Variants in FBXL17 observed in about 807,000 individuals in gnomAD.
FBXL17 encodes F-box and leucine rich repeat protein 17.
In FBXL17, 22 loss-of-function variants were observed where a neutral mutation model predicts 66.2. The ratio of observed to expected loss-of-function variants is 0.33; its 90% CI spans 0.24 to 0.47. The LOEUF (loss-of-function observed/expected upper bound fraction) is 0.47, where lower values mean the gene tolerates loss of function less well. FBXL17 is among the 20% of genes least tolerant of loss of function. The pLI is 1.00. For missense variants in FBXL17, 878 were observed against 948.2 expected (o/e 0.93, Z 0.97); for synonymous variants, 474 against 400.5 (o/e 1.18, Z -2.19).
chr5:108,106,844 A>G (rs1350550807), intron 6 of FBXL17, among the ~76,000 whole-genome samples: 2 of 152,206 alleles, frequency 1.3e-5, no homozygotes, highest in Non-Finnish European at 2.9e-5. Context: ...GAATACACTA[A>G]ACTGTGAATA....
At chr5:108,369,448 C>T (rs1748887707) in intron 1 of FBXL17, among the ~76,000 whole-genome samples, 1 of 152,144 alleles carries the variant, frequency 6.6e-6, no homozygotes, top group Admixed American at 6.5e-5. Flanking sequence ...CCACTTATCA[C>T]TCATATGTGG....
intron 6 of FBXL17, among the ~76,000 whole-genome samples, chr5:108,148,479 G>A (rs946471272): frequency 1.3e-5 from 2 of 152,170 alleles, no homozygotes; most frequent in African/African-American, 2.4e-5. Flanking sequence ...GGAGCTGCCT[G>A]GTTCATGAAT....
intron 7 of FBXL17, among the ~76,000 whole-genome samples, chr5:107,956,978 G>A (rs1751687273): frequency 2.0e-5 from 3 of 152,158 alleles, no homozygotes; most frequent in Admixed American, 6.5e-5. Flanking sequence ...TGAGATGGCA[G>A]CAAGTGAATT....
intron 5 of FBXL17, among the ~76,000 whole-genome samples, chr5:108,214,267 A>G (rs557269090): frequency 6.8e-4 from 103 of 152,272 alleles, no homozygotes; most frequent in Non-Finnish European, 1.3e-3. Flanking sequence ...GTTGTGGAAT[A>G]TATCCCACGA....
chr5:108,207,352 A>C (rs1367719757), intron 5 of FBXL17, among the ~76,000 whole-genome samples: 1 of 151,990 alleles, frequency 6.6e-6, no homozygotes, highest in African/African-American at 2.4e-5. Context: ...ATTATACTTT[A>C]AGTTCTGGGG....
chr5:108,381,348 G>A lies in FBXL17; in HGVS notation c.344C>T (p.Ala115Val), dbSNP rs776434312. Reference protein sequence around the residue: ...AALAAEDCAAAARRFLLSSAA... With the variant: ...AALAAEDCAAVARRFLLSSAA... The stretch of plus-strand genomic sequence containing the variant: ...CGAGGATAGCAGGAAGCGGCGGGCA[G>A]CAGCGGCGCAGTCCTCGGCGGCCAG... Residue 115 changes from alanine to valine, a missense_variant, in exon 1 of 9, where the codon GCT becomes GTT. Ala to Val is a moderately conservative substitution (Grantham distance 64). Transcript: ENST00000542267. 2.9e-5 allele frequency: 39 copies of A among 1,366,560 alleles called. 1 individual carries two copies. The South Asian group carries it at 6.2e-4, about 22-fold the overall frequency. The allele number at this position is 1,366,560 out of a possible 1,614,324, so 84.7% of individuals were successfully genotyped here.
intron 6 of FBXL17, among the ~76,000 whole-genome samples, chr5:108,041,290 T>C (rs1487840042): frequency 6.6e-6 from 1 of 152,198 alleles, no homozygotes; most frequent in Non-Finnish European, 1.5e-5. Flanking sequence ...TTAATCAACC[T>C]TCACAATTGG....
At position 108,236,445 on chromosome 5, in the gene FBXL17, G is replaced by T. The variant is rs1164279108; in HGVS notation, c.1507-12217C>A. 1.3e-5 allele frequency among the ~76,000 whole-genome samples: 2 copies of T among 151,634 alleles called. 1 individual carries two copies. The highest frequency in any genetic ancestry group is 1.3e-4 in the Admixed American group (2 of 15,218). ...GGAGAATCACTTGAGCCTGGGAAGTGGAGGTTGCAGTGAGCAGAGATCACG... is the reference window on the plus strand; with the variant it reads ...GGAGAATCACTTGAGCCTGGGAAGTTGAGGTTGCAGTGAGCAGAGATCACG... On this transcript the variant is annotated intron_variant, in intron 4 of 8. Transcript: ENST00000542267.
intron 7 of FBXL17, among the ~76,000 whole-genome samples, chr5:108,020,400 T>C (rs972268274): frequency 6.6e-6 from 1 of 151,946 alleles, no homozygotes; most frequent in African/African-American, 2.4e-5. Flanking sequence ...TAAAAGAATA[T>C]TGAAATGTAA....
chr5:108,131,054 T>C (rs1285207640), intron 6 of FBXL17, among the ~76,000 whole-genome samples: 1 of 152,136 alleles, frequency 6.6e-6, no homozygotes, highest in Admixed American at 6.5e-5. Context: ...TCAACTCTGC[T>C]ACTGAAATAA....
intron 4 of FBXL17, among the ~76,000 whole-genome samples, chr5:108,312,134 A>G (rs1002999914): frequency 6.6e-6 from 1 of 152,138 alleles, no homozygotes. Flanking sequence ...CTCATAATAC[A>G]TACCACCAGC....
intron 5 of FBXL17, among the ~76,000 whole-genome samples, chr5:108,208,171 T>C (rs571084323): frequency 1.2e-4 from 19 of 152,354 alleles, no homozygotes; most frequent in African/African-American, 4.6e-4. Flanking sequence ...GTTGTTCTTT[T>C]CTTGTAAATT....
At chr5:108,131,532 C>G (rs1305489608) in intron 6 of FBXL17, among the ~76,000 whole-genome samples, 3 of 152,048 alleles carry the variant, frequency 2.0e-5, no homozygotes, top group Non-Finnish European at 4.4e-5. Context: ...ATAAAACATT[C>G]CATTGGGGCT....
chr5:108,052,299 G>T (rs909583428), intron 6 of FBXL17, among the ~76,000 whole-genome samples: 5 of 152,038 alleles, frequency 3.3e-5, no homozygotes, highest in African/African-American at 1.2e-4. Flanking sequence ...ACTCTATACT[G>T]AGAAAACCCC....
chr5:108,321,973 A>C (rs1027788792), intron 4 of FBXL17, among the ~76,000 whole-genome samples: 4 of 151,942 alleles, frequency 2.6e-5, no homozygotes, highest in Non-Finnish European at 5.9e-5. Context: ...ATAATAAGAG[A>C]AACGCAAATT....
intron 6 of FBXL17, among the ~76,000 whole-genome samples, chr5:108,031,700 C>T (rs1322348402): frequency 1.3e-5 from 2 of 152,138 alleles, no homozygotes; most frequent in African/African-American, 4.8e-5. Flanking sequence ...CAGAAAGTAT[C>T]ATTGTACATG....
chr5:108,142,603 A>G (rs1708538153), intron 6 of FBXL17, among the ~76,000 whole-genome samples: 1 of 152,224 alleles, frequency 6.6e-6, no homozygotes, highest in South Asian at 2.1e-4. Context: ...AATAATATTA[A>G]TTAGTAATAC....
chr5:108,044,189 A>C (rs925105766), intron 6 of FBXL17, among the ~76,000 whole-genome samples: 2 of 152,128 alleles, frequency 1.3e-5, no homozygotes, highest in African/African-American at 2.4e-5. Context: ...TATCTGGCCA[A>C]CTGCACTGGC....
chr5:108,077,260 T>A (rs1748588160), intron 6 of FBXL17, among the ~76,000 whole-genome samples: 1 of 152,234 alleles, frequency 6.6e-6, no homozygotes. Context: ...ATATTCTTGA[T>A]GCAAATAGGC....
Sources: allele counts gnomAD v4.1 joint callset (sites outside exome capture counted in the v4.1 genomes callset), GRCh38; gene constraint gnomAD v4.1.1; transcripts MANE v1.5; gene names NCBI Gene and HGNC (gene_info 2026-07-23, HGNC 2026-07-21).